The following SORCS3 variants were observed in gnomAD, a reference collection of about 807,000 sequenced individuals.
SORCS3 encodes the protein VPS10 domain-containing receptor SorCS3.
A neutral mutation model predicts 146.3 loss-of-function variants in SORCS3; 57 were observed. That is an observed-to-expected ratio of 0.39 (90% CI 0.31 to 0.49). The LOEUF (loss-of-function observed/expected upper bound fraction) is 0.49, where lower values mean the gene tolerates loss of function less well. Among genes scored for constraint, SORCS3 ranks in the 20% least tolerant of loss-of-function variants. The probability of loss-of-function intolerance (pLI) is 0.92; values close to 1 mark genes in which losing one functional copy is unlikely to be tolerated. For synonymous variants in SORCS3, 653 were observed against 618.5 expected (o/e 1.06, Z -0.83); for missense variants, 1,341 against 1,575.5 (o/e 0.85, Z 2.52).
intron 6 of SORCS3, among the ~76,000 whole-genome samples, chr10:105,095,176 C>T (rs1388142487): frequency 2.0e-5 from 3 of 152,144 alleles, no homozygotes; most frequent in Non-Finnish European, 4.4e-5. Context: ...CTCATTTCAG[C>T]TCATTCAGAC....
chr10:104,721,729 C>G (rs1295965112), intron 1 of SORCS3, among the ~76,000 whole-genome samples: 1 of 151,902 alleles, frequency 6.6e-6, no homozygotes, highest in Non-Finnish European at 1.5e-5. Context: ...ATTTTATCCT[C>G]TTTGAAGCAA....
intron 1 of SORCS3, among the ~76,000 whole-genome samples, chr10:104,653,328 G>A (rs1289589353): frequency 6.6e-6 from 1 of 152,132 alleles, no homozygotes; most frequent in Non-Finnish European, 1.5e-5. Context: ...CTTTTTAGTT[G>A]TATTATTATT....
intron 7 of SORCS3, among the ~76,000 whole-genome samples, chr10:105,128,926 C>CT (rs1184175221): frequency 1.3e-5 from 2 of 152,062 alleles, no homozygotes; most frequent in Admixed American, 6.6e-5. Flanking sequence ...CAACTAGTTC[C>CT]TTTTTTATCT....
chr10:104,962,019 A>G (rs1490836564), intron 3 of SORCS3, among the ~76,000 whole-genome samples: 1 of 151,890 alleles, frequency 6.6e-6, no homozygotes. Context: ...CAATATTTTA[A>G]AATATATTAA....
At chr10:105,016,155 A>ATATATATATATTT (rs71482443) in intron 4 of SORCS3, among the ~76,000 whole-genome samples, 7 of 101,340 alleles carry the variant, frequency 6.9e-5, no homozygotes, top group African/African-American at 2.4e-4. Flanking sequence ...ATATATATAT[A>ATATATATATATTT]TTTTTTTTTT....
At chr10:105,135,611 GTC>G (rs1363887679) in intron 7 of SORCS3, among the ~76,000 whole-genome samples, 9 of 152,108 alleles carry the variant, frequency 5.9e-5, no homozygotes, top group Admixed American at 2.0e-4. Flanking sequence ...TTTAATTCAT[GTC>G]TCTCTTCTTG....
intron 16 of SORCS3, among the ~76,000 whole-genome samples, chr10:105,206,898 T>A (rs1157830562): frequency 6.6e-6 from 1 of 152,062 alleles, no homozygotes; most frequent in East Asian, 1.9e-4. Flanking sequence ...TGTAGATCAC[T>A]AGTACTGGAA....
chr10:105,120,526 A>G (rs898213445), intron 7 of SORCS3, among the ~76,000 whole-genome samples: 3 of 152,074 alleles, frequency 2.0e-5, no homozygotes, highest in African/African-American at 7.2e-5. Context: ...TCTTTACAGG[A>G]TGCCCATCAA....
intron 1 of SORCS3, 104 bp downstream of exon 1, chr10:104,642,058 G>C: frequency 7.6e-7 from 1 of 1,323,382 alleles, no homozygotes; most frequent in Non-Finnish European, 1.0e-6. Context: ...GGTCGAGGCG[G>C]GGGACGCCTC....
At chr10:105,126,023 T>C (rs918054894) in intron 7 of SORCS3, among the ~76,000 whole-genome samples, 1 of 152,134 alleles carries the variant, frequency 6.6e-6, no homozygotes, top group Non-Finnish European at 1.5e-5. Context: ...ACTTAAAAGA[T>C]GCATAAAAAT....
chr10:104,647,693 G>C (rs1283999848), intron 1 of SORCS3, among the ~76,000 whole-genome samples: 1 of 152,190 alleles, frequency 6.6e-6, no homozygotes, highest in East Asian at 1.9e-4. Flanking sequence ...AAGAGGAGAG[G>C]AAAGAAGATC....
chr10:104,684,224 T>C (rs183388948), intron 1 of SORCS3, among the ~76,000 whole-genome samples: 1 of 152,304 alleles, frequency 6.6e-6, no homozygotes, highest in Admixed American at 6.5e-5. Flanking sequence ...GGAAGCATGG[T>C]ACCACCTTAT....
At chr10:104,894,374 G>T (rs1352484273) in intron 2 of SORCS3, among the ~76,000 whole-genome samples, 1 of 152,212 alleles carries the variant, frequency 6.6e-6, no homozygotes, top group Admixed American at 6.5e-5. Context: ...GATGGTGAGT[G>T]GAGACAGGGT....
At chr10:105,024,804 G>A (rs749189914) in intron 4 of SORCS3, among the ~76,000 whole-genome samples, 1 of 152,178 alleles carries the variant, frequency 6.6e-6, no homozygotes, top group East Asian at 1.9e-4. Flanking sequence ...TTAAACAAAG[G>A]TGTTTTCTGG....
At chr10:104,850,257 G>T (rs986681536) in intron 2 of SORCS3, among the ~76,000 whole-genome samples, 20 of 152,190 alleles carry the variant, frequency 1.3e-4, no homozygotes, top group African/African-American at 4.8e-4. Flanking sequence ...TTTCAATTTA[G>T]TAAGGCTGGT....
intron 1 of SORCS3, among the ~76,000 whole-genome samples, chr10:104,767,284 T>G (rs1376384196): frequency 1.3e-5 from 2 of 152,186 alleles, no homozygotes; most frequent in Admixed American, 6.5e-5. Flanking sequence ...CCACTTAATC[T>G]GTGCTGCAGC....
At chr10:105,198,595 C>G (rs996689608) in intron 14 of SORCS3, among the ~76,000 whole-genome samples, 3 of 152,084 alleles carry the variant, frequency 2.0e-5, no homozygotes, top group Non-Finnish European at 2.9e-5. Flanking sequence ...GATTTGGAAA[C>G]CACTGGATTT....
At chr10:105,009,475 A>G (rs1292345325) in intron 4 of SORCS3, among the ~76,000 whole-genome samples, 1 of 151,706 alleles carries the variant, frequency 6.6e-6, no homozygotes, top group Non-Finnish European at 1.5e-5. Context: ...GAATAAAAGA[A>G]TAGATCAATA....
intron 22 of SORCS3, 96 bp downstream of exon 22, chr10:105,247,427 C>G: frequency 1.6e-6 from 1 of 630,682 alleles, no homozygotes; most frequent in East Asian, 2.9e-5. Context: ...AAACTGCATT[C>G]CACAGTTAAA....
Sources: allele counts gnomAD v4.1 joint callset (sites outside exome capture counted in the v4.1 genomes callset), GRCh38; gene constraint gnomAD v4.1.1; transcripts MANE v1.5; gene names NCBI Gene and HGNC (gene_info 2026-07-23, HGNC 2026-07-21).